Variants in FNBP1 observed in about 807,000 individuals in gnomAD.
The protein encoded by FNBP1 is formin-binding protein 1.
FNBP1 carries 26 observed loss-of-function variants against 90.6 expected under a neutral mutation model. That is an observed-to-expected ratio of 0.29 (90% CI 0.21 to 0.40). The LOEUF (loss-of-function observed/expected upper bound fraction) is 0.40. Among genes scored for constraint, FNBP1 ranks in the 10% least tolerant of loss-of-function variants. FNBP1 has a pLI of 1.00. For synonymous variants in FNBP1, 260 were observed against 265.2 expected (o/e 0.98, Z 0.19); for missense variants, 635 against 768.0 (o/e 0.83, Z 2.05).
At position 129,900,464 on chromosome 9, in the gene FNBP1, G is replaced by A; in HGVS notation, c.1512C>T (p.Asn504=). ...GGGCGCAGTTGTTGACTGTGGGTGG[G>A]TTCTGGCTGTCGTACAGTCCGCTCT... The part of the protein sequence containing the change: ...RRQSGLYDSQ[N]PPTVNNCAQD... Residue 504 remains asparagine (N), a synonymous_variant, in exon 14 of 17, where the codon AAC becomes AAT. Coordinates refer to ENST00000446176, the MANE Select transcript of FNBP1 (RefSeq NM_015033.3). This position sits in a 1 kb window ranked among gnomAD's most constrained non-coding sequence, Gnocchi z 4.1. 6.2e-7 allele frequency: 1 copy of A among 1,605,284 alleles called. No individual in the cohort carries two copies. Among genetic ancestry groups the A allele is most frequent in the Non-Finnish European group, 8.5e-7 (1 of 1,176,238 alleles).
intron 15 of FNBP1, among the ~76,000 whole-genome samples, 163 bp downstream of exon 15, chr9:129,899,802 G>A (rs1380504293): frequency 2.6e-5 from 3 of 114,612 alleles, no homozygotes; most frequent in African/African-American, 1.1e-4. Context: ...AAGGAAGGAA[G>A]GGGAAGGGGA....
intron 1 of FNBP1, among the ~76,000 whole-genome samples, chr9:130,037,920 G>A (rs1212852843): frequency 6.6e-6 from 1 of 152,038 alleles, no homozygotes; most frequent in East Asian, 1.9e-4. Context: ...ACAGAGTCAG[G>A]CATTGTTCCC....
intron 2 of FNBP1, among the ~76,000 whole-genome samples, chr9:129,986,310 TA>T (rs1320934519): frequency 4.0e-5 from 6 of 151,568 alleles, no homozygotes; most frequent in African/African-American, 1.5e-4. Flanking sequence ...ACAAAGGCAA[TA>T]AATCAAGAAT....
At chr9:129,954,858 C>T (rs1218189345) in intron 6 of FNBP1, among the ~76,000 whole-genome samples, 3 of 151,862 alleles carry the variant, frequency 2.0e-5, no homozygotes, top group South Asian at 2.1e-4. Flanking sequence ...ATTAGCTGGG[C>T]GTGGTGACGC....
chr9:129,900,494 G>A lies in FNBP1; in HGVS notation c.1482C>T (p.Arg494=). 1 of 1,600,694 alleles carries A rather than the reference G, an allele frequency of 6.2e-7. No homozygotes were observed. Among genetic ancestry groups the A allele is most frequent in the South Asian group, 1.1e-5 (1 of 88,834 alleles). Reference sequence around the variant, plus strand: ...GGCTGTCGTACAGTCCGCTCTGCCGGCGCGCCTGCTCGCTGCGTGCTGGGA... The same window carrying A: ...GGCTGTCGTACAGTCCGCTCTGCCGACGCGCCTGCTCGCTGCGTGCTGGGA... ...GRLPARSEQA[R]RQSGLYDSQN... is the part of the protein sequence containing the mutation. The change falls in exon 14 of 17, where the codon CGC becomes CGT. Residue 494 remains arginine, a synonymous_variant. Coordinates refer to ENST00000446176, the MANE Select transcript of FNBP1 (RefSeq NM_015033.3). This position sits in a 1 kb window ranked among gnomAD's most constrained non-coding sequence, Gnocchi z 4.1.
chr9:129,898,452 C>T (rs143072319), intron 15 of FNBP1, among the ~76,000 whole-genome samples: 2 of 152,228 alleles, frequency 1.3e-5, no homozygotes, highest in East Asian at 3.9e-4. Flanking sequence ...CCCTGTCCTC[C>T]CCGTTCCTCT....
At chr9:130,003,681 T>C (rs1296561813) in intron 1 of FNBP1, among the ~76,000 whole-genome samples, 4 of 151,122 alleles carry the variant, frequency 2.6e-5, no homozygotes, top group Non-Finnish European at 5.9e-5. Context: ...TCCAGCACTT[T>C]GGGAGGCCGA....
chr9:130,046,128 A>G (rs2060058456), upstream of FNBP1, among the ~76,000 whole-genome samples: 1 of 152,098 alleles, frequency 6.6e-6, no homozygotes, highest in Non-Finnish European at 1.5e-5. Flanking sequence ...TAGCTCCTAA[A>G]ATCCTTAAAA....
At chr9:130,023,235 AGT>A (rs1387646143) in intron 1 of FNBP1, among the ~76,000 whole-genome samples, 2 of 152,170 alleles carry the variant, frequency 1.3e-5, no homozygotes, top group South Asian at 2.1e-4. Context: ...TGACTGGGGC[AGT>A]CACACACCAG....
At chr9:129,978,750 A>G in intron 3 of FNBP1, 138 bp from the exon 4 acceptor site, 1 of 803,636 alleles carries the variant, frequency 1.2e-6, no homozygotes, top group African/African-American at 1.7e-5. Flanking sequence ...TTCATTACAC[A>G]TCAAGTGTTC....
chr9:129,980,834 G>A (rs1464882532), intron 2 of FNBP1, among the ~76,000 whole-genome samples: 1 of 151,524 alleles, frequency 6.6e-6, no homozygotes, highest in African/African-American at 2.4e-5. Flanking sequence ...GGTGGATCAC[G>A]AGGTCAGGAG....
intron 16 of FNBP1, among the ~76,000 whole-genome samples, chr9:129,891,608 T>C (rs1479235300): frequency 6.6e-6 from 1 of 152,246 alleles, no homozygotes; most frequent in Non-Finnish European, 1.5e-5. Flanking sequence ...CCTGTTGTTC[T>C]GTATTCATTC....
At chr9:129,904,641 C>G (rs1339972937) in intron 12 of FNBP1, among the ~76,000 whole-genome samples, 1 of 152,214 alleles carries the variant, frequency 6.6e-6, no homozygotes, top group Non-Finnish European at 1.5e-5. Context: ...ACCTAAGAGG[C>G]TGAGACCCAC....
At chr9:129,924,620 A>T (rs1340489292) in intron 9 of FNBP1, among the ~76,000 whole-genome samples, 1 of 152,192 alleles carries the variant, frequency 6.6e-6, no homozygotes, top group Non-Finnish European at 1.5e-5. Flanking sequence ...TGTGCGGATA[A>T]AGTGTTACAG....
intron 12 of FNBP1, among the ~76,000 whole-genome samples, chr9:129,905,290 G>A (rs1173262662): frequency 1.6e-4 from 9 of 58,014 alleles, no homozygotes; most frequent in South Asian, 1.1e-3. Flanking sequence ...GTGTGTGTGT[G>A]TGTGTATATA....
chr9:129,931,253 T>C (rs749845844), intron 6 of FNBP1, among the ~76,000 whole-genome samples: 9 of 151,844 alleles, frequency 5.9e-5, no homozygotes, highest in Non-Finnish European at 1.2e-4. Context: ...CTGTGATCAC[T>C]ACCACTGCAT....
rs76646269 is a variant in FNBP1, at chr9:129,999,029, A to G, written c.25-4071T>C. ...GATGCCCCCACGCTCTCACTATCAC[A>G]TGAACTGCTGCAGCACTGACTTGAC... On this transcript the variant is annotated intron_variant, in intron 1 of 16. Coordinates refer to ENST00000446176, the MANE Select transcript of FNBP1 (RefSeq NM_015033.3). Among the ~76,000 whole-genome samples the G allele has an allele frequency of 6.4e-3, 969 of 152,344 alleles. 3 individuals are homozygous for G. Among genetic ancestry groups the G allele is most frequent in the East Asian group, 0.014 (74 of 5,192 alleles).
Position 129,900,616 on chromosome 9 carries a change from TC to T in FNBP1, c.1429-70del. On this transcript the variant is annotated intron_variant, in intron 13 of 16. Coordinates refer to ENST00000446176, the MANE Select transcript of FNBP1 (RefSeq NM_015033.3). This position sits in a 1 kb window ranked among gnomAD's most constrained non-coding sequence, Gnocchi z 4.1. ...AGGGTCAGCCCAGAGTGTCCTAAGG[TC>T]CCAAAGGCCATCTGAGGGCCAGCCC... The T allele has an allele frequency of 2.9e-6, 4 of 1,359,492 alleles. No homozygotes were observed. The highest frequency in any genetic ancestry group is 2.8e-6 in the Non-Finnish European group (3 of 1,054,568). The allele number at this position is 1,359,492 out of a possible 1,614,324, so 84.2% of individuals were successfully genotyped here.
At chr9:129,963,229 G>A (rs2048087589) in intron 4 of FNBP1, among the ~76,000 whole-genome samples, 1 of 152,130 alleles carries the variant, frequency 6.6e-6, no homozygotes, top group African/African-American at 2.4e-5. Flanking sequence ...AATGCTGTGG[G>A]TGGAGACAGG....
Sources: allele counts gnomAD v4.1 joint callset (sites outside exome capture counted in the v4.1 genomes callset), GRCh38; gene constraint gnomAD v4.1.1; non-coding constraint Gnocchi (gnomAD v3.1); transcripts MANE v1.5; gene names NCBI Gene and HGNC (gene_info 2026-07-23, HGNC 2026-07-21).